Variants in MALT1 observed in about 807,000 individuals in gnomAD.
MALT1 encodes mucosa-associated lymphoid tissue lymphoma translocation protein 1.
MALT1 carries 36 observed loss-of-function variants against 85.5 expected under a neutral mutation model. The ratio of observed to expected loss-of-function variants is 0.42; its 90% CI spans 0.32 to 0.56. The LOEUF (loss-of-function observed/expected upper bound fraction) is 0.56, where lower values mean the gene tolerates loss of function less well. MALT1 is among the 20% of genes least tolerant of loss of function. The pLI is 0.10. For synonymous variants in MALT1, 359 were observed against 361.3 expected (o/e 0.99, Z 0.07); for missense variants, 716 against 981.6 (o/e 0.73, Z 3.62).
chr18:58,738,477 A>G (rs1307577393), intron 13 of MALT1, among the ~76,000 whole-genome samples: 2 of 152,198 alleles, frequency 1.3e-5, no homozygotes, highest in Non-Finnish European at 2.9e-5. Flanking sequence ...TGGAATATGT[A>G]TGCATGAATT....
chr18:58,697,758 T>C (rs563084762), intron 3 of MALT1, among the ~76,000 whole-genome samples: 1 of 152,318 alleles, frequency 6.6e-6, no homozygotes, highest in African/African-American at 2.4e-5. Flanking sequence ...CTCTTAAGTT[T>C]TGTAAAACCA....
chr18:58,684,970 T>TA, intron 2 of MALT1, among the ~76,000 whole-genome samples: 1 of 152,310 alleles, frequency 6.6e-6, no homozygotes, highest in Non-Finnish European at 1.5e-5. Context: ...ACTGTGAGTT[T>TA]AGAGATGAAT....
intron 1 of MALT1, among the ~76,000 whole-genome samples, chr18:58,680,598 C>T (rs921917441): frequency 1.3e-4 from 19 of 151,988 alleles, no homozygotes; most frequent in African/African-American, 4.3e-4. Context: ...GCAAAAAAAC[C>T]TTTGTCAGTA....
intron 13 of MALT1, among the ~76,000 whole-genome samples, chr18:58,736,691 A>G (rs569495729): frequency 6.6e-6 from 1 of 152,206 alleles, no homozygotes; most frequent in Non-Finnish European, 1.5e-5. Context: ...TAAACATCTT[A>G]GACAGTTTTG....
intron 2 of MALT1, among the ~76,000 whole-genome samples, chr18:58,686,092 A>T (rs1754982393): frequency 6.6e-6 from 1 of 152,072 alleles, no homozygotes; most frequent in African/African-American, 2.4e-5. Context: ...CAGTGGCGCG[A>T]TCTTGGCTCA....
chr18:58,678,874 G>A (rs1431230674), intron 1 of MALT1, among the ~76,000 whole-genome samples: 1 of 152,206 alleles, frequency 6.6e-6, no homozygotes. Flanking sequence ...GGTCTAGGAG[G>A]ACCTTGTAGA....
chr18:58,700,046 C>G (rs780536517), intron 3 of MALT1, among the ~76,000 whole-genome samples: 2 of 152,202 alleles, frequency 1.3e-5, no homozygotes, highest in African/African-American at 4.8e-5. Flanking sequence ...AAGCAATAGC[C>G]AAGCCCAATT....
intron 8 of MALT1, 108 bp from the exon 9 acceptor site, chr18:58,715,827 A>C: frequency 1.3e-6 from 1 of 774,190 alleles, no homozygotes; most frequent in Non-Finnish European, 2.2e-6. Context: ...GAAGAGTAGA[A>C]ACTATATTCT....
chr18:58,745,867 G>GAT, intron 16 of MALT1, 76 bp downstream of exon 16: 1 of 1,316,568 alleles, frequency 7.6e-7, no homozygotes, highest in African/African-American at 1.5e-5. Context: ...ATAGACCATA[G>GAT]ATATGCTGCC....
chr18:58,744,349 A>G lies in MALT1; in HGVS notation c.1765A>G (p.Ser589Gly), dbSNP rs769717155. ...TTGTTCTTTTTCAGAACTTCCAGAA[A>G]GTATGTGTCTTAAGTTTGACTGTGG... is the stretch of plus-strand genomic sequence containing the variant. ...QWAKAHELPE[S>G]MCLKFDCGVQ... The change falls in exon 15 of 17, where the codon AGT becomes GGT. Residue 589 changes from serine to glycine, a missense_variant. Ser to Gly is a moderately conservative substitution (Grantham distance 56). Around this residue, in one of 4 missense-constraint regions of MALT1, gnomAD observed 260 missense variants for 323.7 expected, o/e 0.80. Transcript: ENST00000649217. The G allele has an allele frequency of 1.3e-6, 2 of 1,591,700 alleles. No individual in the cohort carries two copies. Among genetic ancestry groups the G allele is most frequent in the East Asian group, 2.3e-5 (1 of 44,256 alleles).
rs546780839 is a variant in MALT1, at chr18:58,671,962, G to C, written c.209+110G>C. On this transcript the variant is annotated intron_variant, in intron 1 of 16. Transcript: ENST00000649217. ...TGAGCGCGGCGGGGGCCGCCGGCGT[G>C]AGTGAGCGGAGGTGGGGAGGACTTC... is the stretch of plus-strand genomic sequence containing the variant. 4.3e-6 allele frequency: 3 copies of C among 700,016 alleles called. No homozygotes were observed. The African/African-American group carries it at 5.6e-5, about 13-fold the overall frequency. The allele number at this position is 700,016 out of a possible 1,614,324, so 43.4% of individuals were successfully genotyped here.
chr18:58,720,339 C>T (rs1271386942), intron 9 of MALT1, among the ~76,000 whole-genome samples: 1 of 152,038 alleles, frequency 6.6e-6, no homozygotes, highest in African/African-American at 2.4e-5. Context: ...GTCCTTTTTC[C>T]TCTCCCTTTC....
chr18:58,740,839 A>G (rs936566606), intron 13 of MALT1, among the ~76,000 whole-genome samples: 7 of 152,174 alleles, frequency 4.6e-5, no homozygotes, highest in African/African-American at 1.7e-4. Context: ...TCTTTGATCA[A>G]TAATTGAGAT....
At chr18:58,728,091 T>A (rs9958802) in intron 10 of MALT1, among the ~76,000 whole-genome samples, 11 of 152,084 alleles carry the variant, frequency 7.2e-5, no homozygotes, top group African/African-American at 2.7e-4. Flanking sequence ...AAATGATTAT[T>A]TTCTCTGTAG....
intron 9 of MALT1, among the ~76,000 whole-genome samples, chr18:58,717,764 AAAAG>A (rs2054924821): frequency 2.0e-5 from 3 of 151,696 alleles, no homozygotes; most frequent in African/African-American, 7.3e-5. Flanking sequence ...AAAAAAAAAA[AAAAG>A]AAACCTGCTA....
chr18:58,746,299 G>A (rs1472190668), intron 16 of MALT1, among the ~76,000 whole-genome samples: 1 of 152,160 alleles, frequency 6.6e-6, no homozygotes, highest in African/African-American at 2.4e-5. Context: ...GAGTACAGGT[G>A]TGAGCTTCCA....
rs114376747 is a variant in MALT1, at chr18:58,730,416, T to G, written c.1223-2981T>G. On this transcript the variant is annotated intron_variant, in intron 10 of 16. Coordinates refer to ENST00000649217, the MANE Select transcript of MALT1 (RefSeq NM_006785.4). ...AAATGGAATCACCCAATATGTGGCC[T>G]TTTATGTCTGCCTTCTTTCACTTCA... is the stretch of plus-strand genomic sequence containing the variant. Among the ~76,000 whole-genome samples, 456 of 152,382 alleles carry G rather than the reference T, an allele frequency of 3.0e-3. 5 individuals are homozygous for G. The highest frequency in any genetic ancestry group is 0.01 in the African/African-American group (435 of 41,590).
chr18:58,707,142 G>T (rs2054763454), intron 4 of MALT1, among the ~76,000 whole-genome samples: 1 of 151,476 alleles, frequency 6.6e-6, no homozygotes. Flanking sequence ...CGAATGCACT[G>T]ATGAGTGGAA....
intron 8 of MALT1, among the ~76,000 whole-genome samples, chr18:58,715,506 T>C (rs375242332): frequency 3.3e-5 from 5 of 152,306 alleles, no homozygotes; most frequent in African/African-American, 1.2e-4. Context: ...TTATTTTATG[T>C]ATACTAGAGG....
Sources: allele counts gnomAD v4.1 joint callset (sites outside exome capture counted in the v4.1 genomes callset), GRCh38; gene constraint gnomAD v4.1.1; regional missense constraint gnomAD v4.1.1; transcripts MANE v1.5; gene names NCBI Gene and HGNC (gene_info 2026-07-23, HGNC 2026-07-21).